PREX2: variants seen among roughly 807,000 people sequenced by gnomAD.
The protein encoded by PREX2 is phosphatidylinositol 3,4,5-trisphosphate-dependent Rac exchanger 2 protein.
A neutral mutation model predicts 203.2 loss-of-function variants in PREX2; 107 were observed. That is an observed-to-expected ratio of 0.53 (90% CI 0.45 to 0.62). The LOEUF is 0.62. PREX2 is among the 20% of genes least tolerant of loss of function. The probability of loss-of-function intolerance (pLI) is 0.00; values close to 1 mark genes in which losing one functional copy is unlikely to be tolerated. For missense variants in PREX2, 1,777 were observed against 1,955.9 expected, an observed-to-expected ratio of 0.91 and a Z score of 1.72; for synonymous variants, 672 against 663.6, an observed-to-expected ratio of 1.01 and a Z score of -0.19.
At chr8:68,009,996 C>G (rs1807215425) in intron 1 of PREX2, among the ~76,000 whole-genome samples, 1 of 152,188 alleles carries the variant, frequency 6.6e-6, no homozygotes. Flanking sequence ...GTGGTCTGAC[C>G]AAACTTCACT....
chr8:67,993,664 T>C (rs1298560084), intron 1 of PREX2, among the ~76,000 whole-genome samples: 1 of 152,162 alleles, frequency 6.6e-6, no homozygotes, highest in Non-Finnish European at 1.5e-5. Flanking sequence ...TGCCTCGGCC[T>C]CCCAAAGTGC....
At chr8:68,096,004 G>A (rs13254622) in intron 21 of PREX2, among the ~76,000 whole-genome samples, 75,217 of 151,876 alleles carry the variant, frequency 0.5, 19,886 homozygotes, top group African/African-American at 0.7. Flanking sequence ...AGGAAAAGCT[G>A]TTTTCTCTGC....
In PREX2 at chr8:68,108,336, G is replaced by GA. The variant is rs748059333; in HGVS notation, c.2938+5_2938+6insA. The GA allele has an allele frequency of 6.2e-7, 1 of 1,603,384 alleles. No individual in the cohort carries two copies. Among genetic ancestry groups the GA allele is most frequent in the Admixed American group, 1.7e-5 (1 of 59,514 alleles). On this transcript the variant is annotated splice_donor_region_variant and intron_variant, in intron 24 of 39. Transcript: ENST00000288368. Reference sequence around the variant, plus strand: ...AAAACAAATCTTCGGAGCAAGGTATGCTAGCTTTTGCAACTTTATCAAATC... The same window carrying GA: ...AAAACAAATCTTCGGAGCAAGGTATGACTAGCTTTTGCAACTTTATCAAATC...
rs1196277952 is a variant in PREX2, at chr8:68,231,550, T to C, written c.*172T>C. ...GTAGTGATCAGTTTATACTTTGATA[T>C]TTATGCTGGAAATGGATAGAAGTTC... On this transcript the variant is annotated 3_prime_UTR_variant, in exon 40 of 40. Coordinates refer to ENST00000288368, the MANE Select transcript of PREX2 (RefSeq NM_024870.4). 3 of 451,034 alleles carry C rather than the reference T, an allele frequency of 6.7e-6. No individual in the cohort carries two copies. The highest frequency in any genetic ancestry group is 7.6e-6 in the Non-Finnish European group (2 of 262,230). 27.9% of individuals were successfully genotyped at this position (451,034 alleles called of 1,614,324 possible). A position where few individuals can be genotyped will look rare whatever the true frequency, so the allele number is the denominator to read the frequency against.
chr8:67,969,188 G>A (rs4737868), intron 1 of PREX2, among the ~76,000 whole-genome samples: 66,120 of 151,750 alleles, frequency 0.44, 15,030 homozygotes, highest in East Asian at 0.61. Context: ...GTGAGGCCGC[G>A]TTTAGAGTTT....
chr8:68,091,944 G>T (rs1809888627), intron 20 of PREX2, among the ~76,000 whole-genome samples: 1 of 152,128 alleles, frequency 6.6e-6, no homozygotes, highest in Non-Finnish European at 1.5e-5. Context: ...AAACTTAGTG[G>T]CTTAAAACAA....
At chr8:68,171,628 T>C (rs1042739797) in intron 35 of PREX2, among the ~76,000 whole-genome samples, 7 of 152,180 alleles carry the variant, frequency 4.6e-5, no homozygotes, top group Non-Finnish European at 1.0e-4. Context: ...CCATGCCCTG[T>C]CTCTGAGTGT....
At chr8:68,129,555 C>CT (rs1189360894) in intron 31 of PREX2, among the ~76,000 whole-genome samples, 3 of 152,038 alleles carry the variant, frequency 2.0e-5, no homozygotes, top group East Asian at 1.9e-4. Flanking sequence ...TTCTAATCTC[C>CT]TTTTTTGTTG....
chr8:68,007,465 A>T (rs1314771617), intron 1 of PREX2, among the ~76,000 whole-genome samples: 1 of 152,254 alleles, frequency 6.6e-6, no homozygotes, highest in Non-Finnish European at 1.5e-5. Context: ...GATGTAAAAT[A>T]GAATGGTTCT....
Position 68,146,483 on chromosome 8 carries a change from T to C in PREX2, c.4231+131T>C, listed in dbSNP as rs1811329294. ...AATATTATTTAGCCAATATATTTGC[T>C]TCTGGGAATGTTTATTAAGGAAATA... On this transcript the variant is annotated intron_variant, in intron 34 of 39. Coordinates refer to ENST00000288368, the MANE Select transcript of PREX2 (RefSeq NM_024870.4). The C allele has an allele frequency of 5.0e-6, 4 of 796,680 alleles. No individual in the cohort carries two copies. In the South Asian group the frequency reaches 5.9e-5, roughly 12 times the overall value. 49.4% of individuals were successfully genotyped at this position (796,680 alleles called of 1,614,324 possible).
rs1030057395 is a variant in PREX2 at position 67,985,021 on chromosome 8, C to A, written c.141+32486C>A. Among the ~76,000 whole-genome samples, 4 of 150,490 alleles carry A rather than the reference C, an allele frequency of 2.7e-5. No individual in the cohort carries two copies. In the East Asian group the frequency reaches 7.7e-4, roughly 29 times the overall value. Reference sequence around the variant, plus strand: ...ACACAAGTTTTTTTTTTTTTTCTTGCCTTTTGTAGCGACTACGTTGTTCCA... The same window carrying A: ...ACACAAGTTTTTTTTTTTTTTCTTGACTTTTGTAGCGACTACGTTGTTCCA... On this transcript the variant is annotated intron_variant, in intron 1 of 39. Transcript: ENST00000288368.
intron 32 of PREX2, 23 bp downstream of exon 32, chr8:68,134,299 A>G (rs372012900): frequency 7.3e-5 from 114 of 1,559,652 alleles, no homozygotes; most frequent in Admixed American, 1.5e-4. Flanking sequence ...CATGACTCCC[A>G]CTGTCTGTGT....
At chr8:68,101,535 A>G in intron 23 of PREX2, 1 of 491,132 alleles carries the variant, frequency 2.0e-6, no homozygotes, top group Non-Finnish European at 4.0e-6. Flanking sequence ...TTGGAGTTGA[A>G]GGACAGAAGA....
In PREX2 at chr8:68,192,465, C is replaced by A; in HGVS notation, c.4544C>A (p.Ser1515Ter). 1 of 1,612,874 alleles carries A rather than the reference C, an allele frequency of 6.2e-7. No homozygotes were observed. The highest frequency in any genetic ancestry group is 8.5e-7 in the Non-Finnish European group (1 of 1,179,928). The change falls in exon 37 of 40, where the codon TCG becomes TAG. Residue 1515 changes from serine (S) to a stop codon, truncating the protein, a stop_gained. Coordinates refer to ENST00000288368, the MANE Select transcript of PREX2 (RefSeq NM_024870.4). LOFTEE classifies it high-confidence loss of function. ...GGGGTTGGACTGCTGTCAGTTTCCT[C>A]GGAGCTGTGCAACAGGCTGGGCGCC... is the stretch of plus-strand genomic sequence containing the variant. ...ASGVGLLSVSSELCNRLGACH... is the reference protein window; with the variant it reads ...ASGVGLLSVS
At chr8:68,168,109 G>A (rs1447132446) in intron 35 of PREX2, among the ~76,000 whole-genome samples, 1 of 152,210 alleles carries the variant, frequency 6.6e-6, no homozygotes, top group Non-Finnish European at 1.5e-5. Context: ...CCTCGAAAAT[G>A]ATACAGCTAC....
chr8:67,987,980 G>A (rs184531404), intron 1 of PREX2, among the ~76,000 whole-genome samples: 1 of 152,148 alleles, frequency 6.6e-6, no homozygotes, highest in East Asian at 1.9e-4. Flanking sequence ...GTCCCCATAG[G>A]TAGAAGAGCA....
Position 68,015,604 on chromosome 8 carries a change from T to A in PREX2, c.142-2242T>A, listed in dbSNP as rs534372865. On this transcript the variant is annotated intron_variant, in intron 1 of 39. Transcript: ENST00000288368. ...AAGGTTTATAAATGTAGAGGTGAAG[T>A]TTAAGCTTTGCTTGCACGAGAGGTT... 7.9e-4 allele frequency among the ~76,000 whole-genome samples: 120 copies of A among 152,322 alleles called. 4 individuals carry two copies. In the South Asian group the frequency reaches 0.021, roughly 26 times the overall value.
At chr8:68,039,557 C>G (rs1808133125) in intron 7 of PREX2, among the ~76,000 whole-genome samples, 1 of 152,146 alleles carries the variant, frequency 6.6e-6, no homozygotes, top group Non-Finnish European at 1.5e-5. Flanking sequence ...AATCTCTATC[C>G]TTAGCCCAAC....
At chr8:68,162,270 C>A (rs543698936) in intron 35 of PREX2, among the ~76,000 whole-genome samples, 1 of 152,088 alleles carries the variant, frequency 6.6e-6, no homozygotes, top group East Asian at 1.9e-4. Context: ...TGATGAAAAC[C>A]ATTTTATAAT....
Sources: allele counts gnomAD v4.1 joint callset (sites outside exome capture counted in the v4.1 genomes callset), GRCh38; gene constraint gnomAD v4.1.1; transcripts MANE v1.5; gene names NCBI Gene and HGNC (gene_info 2026-07-23, HGNC 2026-07-21).